The following GTF3C5 variants were observed in gnomAD, a reference collection of about 807,000 sequenced individuals.
GTF3C5 encodes the protein general transcription factor 3C polypeptide 5.
Under a neutral mutation model 61.0 loss-of-function variants are expected in GTF3C5, and 47 were observed. That is an observed-to-expected ratio of 0.77 (90% CI 0.61 to 0.98). The LOEUF (loss-of-function observed/expected upper bound fraction) is 0.98, where lower values mean the gene tolerates loss of function less well. Among genes scored for constraint, GTF3C5 ranks in the 50% least tolerant of loss-of-function variants. The pLI is 0.00. For missense variants in GTF3C5, 659 were observed against 703.3 expected, an observed-to-expected ratio of 0.94 and a Z score of 0.71; for synonymous variants, 295 against 275.4, an observed-to-expected ratio of 1.07 and a Z score of -0.71.
At position 133,057,982 on chromosome 9, in the gene GTF3C5, A is replaced by G; in HGVS notation, c.*2A>G. 6.2e-7 allele frequency: 1 copy of G among 1,613,784 alleles called. No homozygotes were observed. The highest frequency in any genetic ancestry group is 8.5e-7 in the Non-Finnish European group (1 of 1,179,942). Reference sequence around the variant, plus strand: ...ACAGAGATTCTGGACTACGTGTGACAGGGCCCAAGGCTGGGCCTCCCTGAC... The same window carrying G: ...ACAGAGATTCTGGACTACGTGTGACGGGGCCCAAGGCTGGGCCTCCCTGAC... On this transcript the variant is annotated 3_prime_UTR_variant, in exon 11 of 11. Transcript: ENST00000372097.
chr9:133,046,168 A>G (rs1448149247), intron 3 of GTF3C5, among the ~76,000 whole-genome samples: 1 of 152,176 alleles, frequency 6.6e-6, no homozygotes, highest in East Asian at 1.9e-4. Flanking sequence ...TCTACAAAAA[A>G]AACTAAAAAA....
chr9:133,034,076 G>T (rs888370351), intron 1 of GTF3C5, among the ~76,000 whole-genome samples: 1 of 152,154 alleles, frequency 6.6e-6, no homozygotes, highest in African/African-American at 2.4e-5. Context: ...CGTACCGTCC[G>T]AATACAGAGG....
chr9:133,032,832 G>C (rs527342029), intron 1 of GTF3C5, among the ~76,000 whole-genome samples: 2 of 152,280 alleles, frequency 1.3e-5, no homozygotes, highest in South Asian at 4.1e-4. Context: ...TGAAGAGATC[G>C]TTTATCCCAG....
intron 1 of GTF3C5, among the ~76,000 whole-genome samples, chr9:133,041,180 C>T (rs1355883768): frequency 6.6e-6 from 1 of 152,182 alleles, no homozygotes; most frequent in East Asian, 1.9e-4. Context: ...GGAAAAACAC[C>T]CGCTACTTAG....
chr9:133,055,185 G>A, intron 8 of GTF3C5: 3 of 1,533,898 alleles, frequency 2.0e-6, no homozygotes, highest in Non-Finnish European at 2.6e-6. Flanking sequence ...CATGTGGGCT[G>A]CAGCTGTGGC....
Position 133,038,121 on chromosome 9 carries a change from G to T in GTF3C5, c.154-3966G>T, listed in dbSNP as rs191407534. Among the ~76,000 whole-genome samples, 32 of 152,252 alleles carry T rather than the reference G, an allele frequency of 2.1e-4. 1 individual carries two copies. In the East Asian group the frequency reaches 4.8e-3, roughly 23 times the overall value. On this transcript the variant is annotated intron_variant, in intron 1 of 10. Transcript: ENST00000372097. ...CGGCGGGAAGGGCAGTTACAGAGCG[G>T]GTAACTAAGGGCAAGGAGGCGCAAA...
chr9:133,055,580 ACACT>A (rs1564205268), intron 8 of GTF3C5: 1 of 985,440 alleles, frequency 1.0e-6, no homozygotes, highest in Non-Finnish European at 1.2e-6. Context: ...GAGAGAGCAA[ACACT>A]CACTAAGCCC....
At chr9:133,055,709 G>T in intron 8 of GTF3C5, 1 of 1,268,120 alleles carries the variant, frequency 7.9e-7, no homozygotes, top group South Asian at 1.7e-5. Flanking sequence ...AGCAGAGCCC[G>T]GCACAAGGCT....
At chr9:133,056,299 G>A (rs1829936878) in intron 9 of GTF3C5, among the ~76,000 whole-genome samples, 1 of 152,184 alleles carries the variant, frequency 6.6e-6, no homozygotes, top group Non-Finnish European at 1.5e-5. Context: ...GCTCCAAGCT[G>A]CGCAGAGACA....
rs375088854 is a variant in GTF3C5 at position 133,054,760 on chromosome 9, C to T, written c.1118C>T (p.Ser373Leu). Residue 373 changes from serine (S) to leucine (L), a missense_variant, in exon 8 of 11, where the codon TCG (serine) becomes TTG (leucine). Coordinates refer to ENST00000372097, the MANE Select transcript of GTF3C5 (RefSeq NM_012087.4). ...GACCTGAAGCAGGGCCTGGGCCCGTCGGGGACGAGTGGTGCTCGGAAACCA... is the reference window on the plus strand; with the variant it reads ...GACCTGAAGCAGGGCCTGGGCCCGTTGGGGACGAGTGGTGCTCGGAAACCA... ...MHDLKQGLGPSGTSGARKPAS... is the reference protein window; with the variant it reads ...MHDLKQGLGPLGTSGARKPAS... The T allele has an allele frequency of 1.8e-5, 29 of 1,584,960 alleles. No homozygotes were observed. The highest frequency in any genetic ancestry group is 4.6e-5 in the East Asian group (2 of 43,788).
chr9:133,054,488 T>C lies in GTF3C5; in HGVS notation c.1069T>C (p.Ser357Pro), dbSNP rs778996036. Reference sequence around the variant, plus strand: ...CCTCCCCATCACCGTCAAGAAGACATGTAAGCGTGCCAGGCGCCTTTTGTG... The same window carrying C: ...CCTCCCCATCACCGTCAAGAAGACACGTAAGCGTGCCAGGCGCCTTTTGTG... ...YSLPITVKKTSSQLVTMHDLK... is the reference protein window; with the variant it reads ...YSLPITVKKTPSQLVTMHDLK... Residue 357 changes from serine to proline, a missense_variant and splice_region_variant, in exon 7 of 11, where the codon TCC becomes CCC. Physicochemically the swap from Ser to Pro is moderately conservative, Grantham distance 74. Transcript: ENST00000372097. 15 of 1,613,698 alleles carry C rather than the reference T, an allele frequency of 9.3e-6. No homozygotes were observed. The Middle Eastern group carries it at 8.2e-4, about 88-fold the overall frequency.
chr9:133,033,724 C>G (rs1180865718), intron 1 of GTF3C5, among the ~76,000 whole-genome samples: 1 of 152,176 alleles, frequency 6.6e-6, no homozygotes, highest in African/African-American at 2.4e-5. Context: ...AGGGGACAGT[C>G]TGGGCTTCTG....
chr9:133,047,156 A>G (rs1425259561), intron 3 of GTF3C5, among the ~76,000 whole-genome samples: 1 of 152,106 alleles, frequency 6.6e-6, no homozygotes, highest in Non-Finnish European at 1.5e-5. Flanking sequence ...ACAGACTCGC[A>G]ATACCAGTCT....
intron 1 of GTF3C5, among the ~76,000 whole-genome samples, chr9:133,038,893 C>T (rs972178031): frequency 4.6e-5 from 7 of 152,090 alleles, no homozygotes; most frequent in Admixed American, 2.0e-4. Context: ...AACTGAGGCA[C>T]GGGGAGATGA....
intron 8 of GTF3C5, 50 bp from the exon 9 acceptor site, chr9:133,055,962 C>T (rs1829924712): frequency 6.2e-7 from 1 of 1,612,450 alleles, no homozygotes; most frequent in Non-Finnish European, 8.5e-7. Context: ...ACACTGGCAG[C>T]CCCAGGGCTC....
chr9:133,054,393 C>T lies in GTF3C5; in HGVS notation c.989-15C>T, dbSNP rs188346256. 6.4e-5 allele frequency: 103 copies of T among 1,612,868 alleles called. No individual in the cohort carries two copies. The Middle Eastern group carries it at 3.6e-3, about 57-fold the overall frequency. ...CCTGTGCCCGCCCACCTGACTTGCC[C>T]GCCCTCGCCTACAGGTTACGCCCCC... On this transcript the variant is annotated splice_polypyrimidine_tract_variant and intron_variant, in intron 6 of 10. Coordinates refer to ENST00000372097, the MANE Select transcript of GTF3C5 (RefSeq NM_012087.4).
chr9:133,049,824 G>A (rs1850317026), intron 3 of GTF3C5, among the ~76,000 whole-genome samples: 1 of 152,082 alleles, frequency 6.6e-6, no homozygotes. Context: ...GCAAAATAAG[G>A]CGCAGCGATT....
chr9:133,044,008 G>GCACCACCACGCCCA, intron 3 of GTF3C5, 82 bp downstream of exon 3: 1 of 980,188 alleles, frequency 1.0e-6, no homozygotes, highest in Non-Finnish European at 1.6e-6. Context: ...CACTGGGCGT[G>GCACCACCACGCCCA]GTGGTGCACA....
At chr9:133,050,750 G>T in intron 3 of GTF3C5, 33 bp from the exon 4 acceptor site, 1 of 1,536,136 alleles carries the variant, frequency 6.5e-7, no homozygotes, top group Non-Finnish European at 8.9e-7. Context: ...TGGCCTTGGT[G>T]CTCCTGTTCT....
Sources: gnomAD v4.1 joint callset for allele counts (sites outside exome capture counted in the v4.1 genomes callset) on GRCh38, gnomAD v4.1.1 for gene constraint, MANE v1.5 for transcripts, NCBI Gene and HGNC (gene_info 2026-07-23, HGNC 2026-07-21) for gene names.